The following GLI3 variants were observed in gnomAD, a reference collection of about 807,000 sequenced individuals.
GLI3 encodes the protein transcription activator GLI3.
A neutral mutation model predicts 100.8 loss-of-function variants in GLI3; 20 were observed. The ratio of observed to expected loss-of-function variants is 0.20; its 90% CI spans 0.14 to 0.29. The LOEUF is 0.29. Among genes scored for constraint, GLI3 ranks in the 10% least tolerant of loss-of-function variants. The pLI is 1.00. For missense variants in GLI3, 2,040 were observed against 2,128.5 expected, an observed-to-expected ratio of 0.96 and a Z score of 0.82; for synonymous variants, 938 against 860.5, an observed-to-expected ratio of 1.09 and a Z score of -1.58.
intron 12 of GLI3, among the ~76,000 whole-genome samples, chr7:41,974,313 A>G (rs1787445783): frequency 6.6e-6 from 1 of 152,162 alleles, no homozygotes; most frequent in Admixed American, 6.5e-5. Flanking sequence ...CACATTATCT[A>G]CCCACAAAAA....
chr7:42,243,568 G>A (rs1788944530), intron 1 of GLI3, among the ~76,000 whole-genome samples: 1 of 152,206 alleles, frequency 6.6e-6, no homozygotes, highest in Non-Finnish European at 1.5e-5. Context: ...GTGAATTGGA[G>A]ATAACGATAT....
intron 1 of GLI3, among the ~76,000 whole-genome samples, chr7:42,251,050 AG>A (rs1481712253): frequency 1.3e-5 from 2 of 152,210 alleles, no homozygotes; most frequent in Non-Finnish European, 2.9e-5. Flanking sequence ...TTCTGTTCCC[AG>A]AAAGCTTATG....
chr7:42,148,097 T>G, intron 3 of GLI3, 129 bp downstream of exon 3: 1 of 954,880 alleles, frequency 1.0e-6, no homozygotes, highest in South Asian at 2.0e-5. Context: ...AAATTACACC[T>G]TTTAATAAAT....
intron 1 of GLI3, among the ~76,000 whole-genome samples, chr7:42,262,425 A>G (rs1789155016): frequency 6.6e-6 from 1 of 151,922 alleles, no homozygotes; most frequent in South Asian, 2.1e-4. Context: ...ACAGCCAGCT[A>G]ATTTTTTTAA....
chr7:42,158,781 C>A (rs1336372865), intron 2 of GLI3, among the ~76,000 whole-genome samples: 7 of 152,252 alleles, frequency 4.6e-5, no homozygotes, highest in Non-Finnish European at 8.8e-5. Flanking sequence ...TGATGTGAGC[C>A]ACCGCGCCCA....
intron 4 of GLI3, among the ~76,000 whole-genome samples, chr7:42,062,606 A>C (rs1312057451): frequency 1.6e-5 from 2 of 123,130 alleles, no homozygotes; most frequent in South Asian, 5.3e-4. Flanking sequence ...CTATTTTTAT[A>C]TTAACAACAT....
At chr7:42,054,111 T>C (rs1024301277) in intron 4 of GLI3, among the ~76,000 whole-genome samples, 1 of 152,158 alleles carries the variant, frequency 6.6e-6, no homozygotes, top group Non-Finnish European at 1.5e-5. Flanking sequence ...GTGGAAACTG[T>C]TTGTTGGTGT....
intron 3 of GLI3, among the ~76,000 whole-genome samples, chr7:42,104,791 G>T (rs1785539582): frequency 6.6e-6 from 1 of 152,116 alleles, no homozygotes. Flanking sequence ...CTTTTAAAGA[G>T]GCCCCAGAGA....
At chr7:42,135,076 C>A (rs1786394018) in intron 3 of GLI3, among the ~76,000 whole-genome samples, 2 of 152,130 alleles carry the variant, frequency 1.3e-5, no homozygotes, top group African/African-American at 4.8e-5. Flanking sequence ...AGATCTAGGT[C>A]CTGCCTTTTA....
intron 2 of GLI3, among the ~76,000 whole-genome samples, chr7:42,161,434 A>G (rs1036196207): frequency 2.6e-5 from 4 of 152,204 alleles, no homozygotes; most frequent in African/African-American, 7.2e-5. Context: ...CTTTTGCAGA[A>G]AAGTCGTGTT....
chr7:42,165,544 G>T (rs527400802), intron 2 of GLI3, among the ~76,000 whole-genome samples: 2 of 152,210 alleles, frequency 1.3e-5, no homozygotes, highest in African/African-American at 4.8e-5. Context: ...CACTGATTGG[G>T]TCATGAAGAC....
chr7:42,047,836 G>GC (rs1784275162), intron 5 of GLI3, among the ~76,000 whole-genome samples: 1 of 152,164 alleles, frequency 6.6e-6, no homozygotes, highest in South Asian at 2.1e-4. Flanking sequence ...ACAGGCAACA[G>GC]CCCTGGACCA....
At position 42,216,393 on chromosome 7, in the gene GLI3, T is replaced by C. The variant is rs549014674; in HGVS notation, c.124+6737A>G. ...TGAGGGATCTTTAGAGCATTCAAAGTATTCTGTAGCATACTGCAGTGGTGG... is the reference window on the plus strand; with the variant it reads ...TGAGGGATCTTTAGAGCATTCAAAGCATTCTGTAGCATACTGCAGTGGTGG... On this transcript the variant is annotated intron_variant, in intron 2 of 14. Coordinates refer to ENST00000395925, the MANE Select transcript of GLI3 (RefSeq NM_000168.6). Among the ~76,000 whole-genome samples the C allele has an allele frequency of 2.0e-5, 3 of 152,334 alleles. No individual in the cohort carries two copies. In the South Asian group the frequency reaches 6.2e-4, roughly 32 times the overall value.
At chr7:42,183,157 G>C (rs1265552925) in intron 2 of GLI3, among the ~76,000 whole-genome samples, 1 of 152,174 alleles carries the variant, frequency 6.6e-6, no homozygotes, top group Non-Finnish European at 1.5e-5. Flanking sequence ...CCAGGAGGCA[G>C]AGGTTGCAGT....
chr7:42,083,565 C>T (rs989520574), intron 3 of GLI3, among the ~76,000 whole-genome samples: 2 of 152,174 alleles, frequency 1.3e-5, no homozygotes, highest in Admixed American at 1.3e-4. Flanking sequence ...AGACAGGAAA[C>T]CCATGGCCTA....
At chr7:42,184,337 C>T (rs1053097764) in intron 2 of GLI3, among the ~76,000 whole-genome samples, 2 of 152,220 alleles carry the variant, frequency 1.3e-5, no homozygotes, top group Non-Finnish European at 2.9e-5. Context: ...CCGCAGATCT[C>T]CCTGTGGCTG....
chr7:42,016,689 C>T (rs1788773960), intron 10 of GLI3, among the ~76,000 whole-genome samples: 1 of 152,032 alleles, frequency 6.6e-6, no homozygotes, highest in African/African-American at 2.4e-5. Flanking sequence ...CTTCTCAAAT[C>T]ATCATCATCA....
At chr7:42,024,392 C>T (rs746078203) in intron 9 of GLI3, among the ~76,000 whole-genome samples, 26 of 152,158 alleles carry the variant, frequency 1.7e-4, no homozygotes, top group African/African-American at 5.1e-4. Flanking sequence ...AAGGTTGTTG[C>T]TGTCTGGCGA....
intron 3 of GLI3, among the ~76,000 whole-genome samples, chr7:42,102,504 G>T (rs1281911205): frequency 6.6e-6 from 1 of 152,186 alleles, no homozygotes; most frequent in Non-Finnish European, 1.5e-5. Flanking sequence ...TGGTGCAAGG[G>T]TTGGAATCAG....
Sources: allele counts gnomAD v4.1 joint callset (sites outside exome capture counted in the v4.1 genomes callset), GRCh38; gene constraint gnomAD v4.1.1; transcripts MANE v1.5; gene names NCBI Gene and HGNC (gene_info 2026-07-23, HGNC 2026-07-21).